Variants in KLHL24 observed in about 807,000 individuals in gnomAD.
The protein encoded by KLHL24 is kelch-like protein 24.
Under a neutral mutation model 53.4 loss-of-function variants are expected in KLHL24, and 29 were observed. That is an observed-to-expected ratio of 0.54 (90% CI 0.40 to 0.74). KLHL24 has a LOEUF of 0.74. KLHL24 is among the 30% of genes least tolerant of loss of function. The pLI, the probability that KLHL24 is intolerant of heterozygous loss-of-function variation, is 0.00. For missense variants in KLHL24, 504 were observed against 744.0 expected (o/e 0.68, Z 3.75); for synonymous variants, 222 against 253.7 (o/e 0.88, Z 1.19).
Position 183,679,377 on chromosome 3 carries a change from C to T in KLHL24, c.*91C>T. 2 of 830,710 alleles carry T rather than the reference C, an allele frequency of 2.4e-6. No individual in the cohort carries two copies. Among genetic ancestry groups the T allele is most frequent in the East Asian group, 2.6e-5 (1 of 37,966 alleles). The allele number at this position is 830,710 out of a possible 1,614,324, so 51.5% of individuals were successfully genotyped here. On this transcript the variant is annotated 3_prime_UTR_variant, in exon 8 of 8. Coordinates refer to ENST00000242810, the MANE Select transcript of KLHL24 (RefSeq NM_017644.3). ...GGGAACTTCACATATCTCCTTTGTG[C>T]CATATGCAAAAAATAGTAAAAATAA...
intron 7 of KLHL24, among the ~76,000 whole-genome samples, chr3:183,678,019 T>C (rs1712199576): frequency 6.6e-6 from 1 of 152,156 alleles, no homozygotes; most frequent in Non-Finnish European, 1.5e-5. Context: ...TCTCGAACTC[T>C]TGATCTCAAG....
intron 5 of KLHL24, among the ~76,000 whole-genome samples, chr3:183,668,075 A>G (rs1383773314): frequency 1.3e-5 from 2 of 149,154 alleles, no homozygotes; most frequent in Non-Finnish European, 3.0e-5. Flanking sequence ...GCTGCTGTCT[A>G]CAAGGCCAAT....
intron 1 of KLHL24, among the ~76,000 whole-genome samples, chr3:183,637,721 C>T (rs1289326493): frequency 6.6e-6 from 1 of 152,180 alleles, no homozygotes; most frequent in Non-Finnish European, 1.5e-5. Flanking sequence ...GTCACCCAGG[C>T]CATCTCAGCT....
At chr3:183,642,538 C>T (rs1464755535) in intron 1 of KLHL24, among the ~76,000 whole-genome samples, 1 of 144,426 alleles carries the variant, frequency 6.9e-6, no homozygotes, top group African/African-American at 2.6e-5. Context: ...AATACTATTG[C>T]TATTCTGTAC....
chr3:183,644,869 T>C (rs1717002850), intron 2 of KLHL24, among the ~76,000 whole-genome samples: 1 of 152,202 alleles, frequency 6.6e-6, no homozygotes, highest in African/African-American at 2.4e-5. Flanking sequence ...TCTTAGTTCT[T>C]ACAATGTGCT....
intron 1 of KLHL24, among the ~76,000 whole-genome samples, chr3:183,639,634 A>T (rs1045929473): frequency 1.6e-5 from 2 of 123,506 alleles, no homozygotes; most frequent in Non-Finnish European, 3.4e-5. Flanking sequence ...TGTCTCAAAA[A>T]AAAAAAAAAA....
At chr3:183,657,118 G>A (rs1719022823) in intron 3 of KLHL24, among the ~76,000 whole-genome samples, 1 of 151,140 alleles carries the variant, frequency 6.6e-6, no homozygotes, top group African/African-American at 2.4e-5. Context: ...CACATCCTTA[G>A]CACCTACCAT....
intron 1 of KLHL24, among the ~76,000 whole-genome samples, chr3:183,640,741 A>G (rs899313731): frequency 6.6e-6 from 1 of 151,818 alleles, no homozygotes; most frequent in Non-Finnish European, 1.5e-5. Flanking sequence ...CTGGGATTAC[A>G]GGTGCCCGCC....
At position 183,681,791 on chromosome 3, in the gene KLHL24, A is replaced by T. The variant is rs903228056; in HGVS notation, c.*2505A>T. ...TTTAGAGTAGAATTAATATATCAAA[A>T]GGGGTATATCAACCAAATTGGTGTC... On this transcript the variant is annotated 3_prime_UTR_variant, in exon 8 of 8. Transcript: ENST00000242810. The T allele has an allele frequency of 2.0e-5, 3 of 152,526 alleles. No homozygotes were observed. Among genetic ancestry groups the T allele is most frequent in the African/African-American group, 7.2e-5 (3 of 41,460 alleles). The allele number at this position is 152,526 out of a possible 1,614,324, so 9.4% of individuals were successfully genotyped here.
intron 3 of KLHL24, among the ~76,000 whole-genome samples, chr3:183,658,159 G>A (rs986186796): frequency 6.6e-6 from 1 of 151,370 alleles, no homozygotes; most frequent in Non-Finnish European, 1.5e-5. Context: ...GTTGCAGTGA[G>A]CTGAGATCGC....
intron 5 of KLHL24, among the ~76,000 whole-genome samples, chr3:183,665,253 G>A (rs1288820160): frequency 2.0e-5 from 3 of 152,168 alleles, no homozygotes; most frequent in Admixed American, 6.5e-5. Flanking sequence ...TCATGGCAGT[G>A]TAGCACATTT....
At position 183,651,037 on chromosome 3, in the gene KLHL24, G is replaced by A. The variant is rs189026053; in HGVS notation, c.681G>A (p.Glu227=). ...ATGAACTTGTTATTGGTAAAGAGGAGATGGTTTTTGAAGCCGTCATGCGTT... is the reference window on the plus strand; with the variant it reads ...ATGAACTTGTTATTGGTAAAGAGGAAATGGTTTTTGAAGCCGTCATGCGTT... ...CSDELVIGKE[E]MVFEAVMRWV... Residue 227 remains glutamate (E), a synonymous_variant, in exon 3 of 8, where the codon GAG becomes GAA. Coordinates refer to ENST00000242810, the MANE Select transcript of KLHL24 (RefSeq NM_017644.3). The A allele has an allele frequency of 1.2e-4, 197 of 1,614,186 alleles. 1 individual carries two copies. In the East Asian group the frequency reaches 4.3e-3, roughly 35 times the overall value.
At chr3:183,637,949 G>A (rs1715628978) in intron 1 of KLHL24, among the ~76,000 whole-genome samples, 3 of 152,210 alleles carry the variant, frequency 2.0e-5, no homozygotes, top group Non-Finnish European at 4.4e-5. Context: ...GTGAGCCACC[G>A]TGCCTGGCAA....
chr3:183,671,125 C>T lies in KLHL24; in HGVS notation c.1316C>T (p.Pro439Leu). The part of the protein sequence containing the change: ...SFSNRWTEVA[P>L]LKEAVSSPAV... ...TCAAATCGATGGACTGAAGTTGCTC[C>T]CCTTAAGGAAGCCGTGAGTTCTCCT... Residue 439 changes from proline to leucine, a missense_variant, in exon 6 of 8, where the codon CCC becomes CTC. By Grantham distance (98) the Pro-to-Leu change is moderately conservative. Transcript: ENST00000242810. 6.2e-7 allele frequency: 1 copy of T among 1,613,932 alleles called. No individual in the cohort carries two copies. Among genetic ancestry groups the T allele is most frequent in the Non-Finnish European group, 8.5e-7 (1 of 1,179,964 alleles).
At chr3:183,658,087 C>T (rs1456635288) in intron 3 of KLHL24, among the ~76,000 whole-genome samples, 1 of 151,918 alleles carries the variant, frequency 6.6e-6, no homozygotes, top group East Asian at 1.9e-4. Context: ...GTGGTGGACA[C>T]CTGTAATCAC....
rs998630658 is a variant in KLHL24 at position 183,683,238 on chromosome 3, T to A, written c.*3952T>A. ...TGAGCCACCACCCCCGGCCTGTATT[T>A]TCAGAGAGGAGAGCTTGGTGTTTTT... On this transcript the variant is annotated 3_prime_UTR_variant, in exon 8 of 8. Coordinates refer to ENST00000242810, the MANE Select transcript of KLHL24 (RefSeq NM_017644.3). 6.5e-6 allele frequency: 1 copy of A among 152,854 alleles called. No individual in the cohort carries two copies. Among genetic ancestry groups the A allele is most frequent in the Admixed American group, 6.6e-5 (1 of 15,264 alleles). The allele number at this position is 152,854 out of a possible 1,614,324, so 9.5% of individuals were successfully genotyped here. A position where few individuals can be genotyped will look rare whatever the true frequency, so the allele number is the denominator to read the frequency against.
chr3:183,675,005 G>T (rs1333430871), intron 7 of KLHL24, among the ~76,000 whole-genome samples: 2 of 152,114 alleles, frequency 1.3e-5, no homozygotes, highest in Non-Finnish European at 2.9e-5. Context: ...ATCTGTTAAA[G>T]CACTCATACC....
rs1718060511 is a variant in KLHL24, at chr3:183,651,139, T to G, written c.783T>G (p.His261Gln). ...LLTHVRLPLL[H>Q]PNYFVQTVEV... ...CACATGTGAGACTCCCTCTGTTGCA[T>G]CCCAACTACTTTGTTCAAACAGTTG... The change falls in exon 3 of 8, where the codon CAT (histidine) becomes CAG (glutamine). Residue 261 changes from histidine to glutamine, a missense_variant. Transcript: ENST00000242810. 1 of 1,614,004 alleles carries G rather than the reference T, an allele frequency of 6.2e-7. No individual in the cohort carries two copies. The highest frequency in any genetic ancestry group is 8.5e-7 in the Non-Finnish European group (1 of 1,180,008).
At chr3:183,645,391 T>C (rs1016926507) in intron 2 of KLHL24, among the ~76,000 whole-genome samples, 1 of 152,232 alleles carries the variant, frequency 6.6e-6, no homozygotes, top group African/African-American at 2.4e-5. Flanking sequence ...CTACTGCTCA[T>C]GTGTGGGAGC....
Sources: allele counts gnomAD v4.1 joint callset (sites outside exome capture counted in the v4.1 genomes callset), GRCh38; gene constraint gnomAD v4.1.1; transcripts MANE v1.5; gene names NCBI Gene and HGNC (gene_info 2026-07-23, HGNC 2026-07-21).